CDH6: variants seen among roughly 807,000 people sequenced by gnomAD.
CDH6 encodes cadherin 6.
A neutral mutation model predicts 78.0 loss-of-function variants in CDH6; 31 were observed. The observed-to-expected ratio is 0.40, with a 90% confidence interval of 0.30 to 0.54. CDH6 has a LOEUF of 0.54. Ranked by LOEUF, CDH6 falls within the 20% of genes least tolerant of loss-of-function variation. The pLI is 0.56. For synonymous variants in CDH6, 376 were observed against 368.8 expected (o/e 1.02, Z -0.23); for missense variants, 724 against 975.9 (o/e 0.74, Z 3.44).
intron 2 of CDH6, 133 bp from the exon 3 acceptor site, chr5:31,293,828 AG>A: frequency 2.4e-5 from 13 of 532,744 alleles, no homozygotes; most frequent in South Asian, 6.7e-5. Context: ...TTACGTAAAT[AG>A]TAAAAAAAAA....
At chr5:31,230,079 T>G (rs867999428) in intron 1 of CDH6, among the ~76,000 whole-genome samples, 1 of 152,226 alleles carries the variant, frequency 6.6e-6, no homozygotes, top group Middle Eastern at 3.2e-3. Context: ...ATTCCGCTCC[T>G]TGCAGAATAT....
Position 31,216,384 on chromosome 5 carries a change from A to G in CDH6, c.-129+22498A>G, listed in dbSNP as rs577826558. On this transcript the variant is annotated intron_variant, in intron 1 of 11. Transcript: ENST00000265071. Reference sequence around the variant, plus strand: ...CTGAAAATGGTTTGTCCATTTTTAAATAGTTAAAAAGAATCAACAGAAAAA... The same window carrying G: ...CTGAAAATGGTTTGTCCATTTTTAAGTAGTTAAAAAGAATCAACAGAAAAA... 3.9e-5 allele frequency among the ~76,000 whole-genome samples: 6 copies of G among 152,258 alleles called. No homozygotes were observed. The South Asian group carries it at 1.2e-3, about 32-fold the overall frequency.
intron 1 of CDH6, among the ~76,000 whole-genome samples, chr5:31,219,040 A>G (rs2111827081): frequency 6.6e-6 from 1 of 152,288 alleles, no homozygotes; most frequent in Non-Finnish European, 1.5e-5. Context: ...GCATTTTTAA[A>G]TTGGTGGATT....
At chr5:31,220,943 C>G (rs1740988493) in intron 1 of CDH6, among the ~76,000 whole-genome samples, 1 of 152,146 alleles carries the variant, frequency 6.6e-6, no homozygotes, top group Non-Finnish European at 1.5e-5. Context: ...TCCTGAACAT[C>G]TGGATTTATT....
intron 7 of CDH6, 80 bp from the exon 8 acceptor site, chr5:31,313,238 C>T: frequency 1.6e-6 from 2 of 1,288,786 alleles, no homozygotes; most frequent in South Asian, 1.4e-5. Context: ...TGATGTGTAC[C>T]AGATGTTTTA....
rs755208817 is a variant in CDH6, at chr5:31,328,944, G to A, written c.*5636G>A. 1.6e-4 allele frequency: 35 copies of A among 221,250 alleles called. No individual in the cohort carries two copies. The highest frequency in any genetic ancestry group is 2.5e-4 in the Non-Finnish European group (28 of 110,678). The allele number at this position is 221,250 out of a possible 1,614,324, so 13.7% of individuals were successfully genotyped here. ...TATTACCTTTTAGCTCAGTGTGGCC[G>A]GGCCTTTTGTTGCAGTCAAATGGCA... On this transcript the variant is annotated 3_prime_UTR_variant, in exon 12 of 12. Coordinates refer to ENST00000265071, the MANE Select transcript of CDH6 (RefSeq NM_004932.4).
At chr5:31,203,534 G>A (rs1740430005) in intron 1 of CDH6, among the ~76,000 whole-genome samples, 1 of 144,618 alleles carries the variant, frequency 6.9e-6, no homozygotes, top group Non-Finnish European at 1.5e-5. Flanking sequence ...TACTGAGAAT[G>A]ATGATTTCCA....
rs188441759 is a variant in CDH6, at chr5:31,326,990, G to A, written c.*3682G>A. On this transcript the variant is annotated 3_prime_UTR_variant, in exon 12 of 12. Coordinates refer to ENST00000265071, the MANE Select transcript of CDH6 (RefSeq NM_004932.4). The stretch of plus-strand genomic sequence containing the variant: ...ATTACAGGCGTGAGCCACCGCGCCC[G>A]GCCTTAAAAATTGAATCTGTAGCTT... 1.9e-3 allele frequency: 329 copies of A among 172,238 alleles called. 1 individual carries two copies. The highest frequency in any genetic ancestry group is 7.3e-3 in the African/African-American group (310 of 42,206). 10.7% of individuals were successfully genotyped at this position (172,238 alleles called of 1,614,324 possible).
intron 1 of CDH6, 114 bp from the exon 2 acceptor site, chr5:31,267,231 CT>C (rs1180578305): frequency 1.4e-5 from 7 of 485,208 alleles, no homozygotes; most frequent in East Asian, 1.3e-4. Context: ...TGATAGCCAA[CT>C]TTTTTTGTTG....
chr5:31,250,421 C>A (rs1741877564), intron 1 of CDH6: 1 of 152,324 alleles, frequency 6.6e-6, no homozygotes, highest in Non-Finnish European at 1.5e-5. Flanking sequence ...GCTCCACCCA[C>A]CAGGCTGTGC....
intron 1 of CDH6, among the ~76,000 whole-genome samples, chr5:31,206,268 A>G (rs1385916423): frequency 6.6e-6 from 1 of 152,190 alleles, no homozygotes; most frequent in African/African-American, 2.4e-5. Flanking sequence ...AGTCAAAGGT[A>G]TGGGTATTTT....
Position 31,317,869 on chromosome 5 carries a change from G to A in CDH6, c.1827G>A (p.Thr609=), listed in dbSNP as rs145080455. Residue 609 remains threonine, a synonymous_variant, in exon 11 of 12, where the codon ACG becomes ACA. Coordinates refer to ENST00000265071, the MANE Select transcript of CDH6 (RefSeq NM_004932.4). The part of the protein sequence containing the change: ...SCHAEALIHP[T]GLSTGALVAI... ...ATGCGGAGGCGCTCATCCACCCCACGGGACTGAGCACGGGGGCTCTGGTTG... is the reference window on the plus strand; with the variant it reads ...ATGCGGAGGCGCTCATCCACCCCACAGGACTGAGCACGGGGGCTCTGGTTG... The A allele has an allele frequency of 1.9e-6, 3 of 1,614,018 alleles. No individual in the cohort carries two copies. Among genetic ancestry groups the A allele is most frequent in the East Asian group, 2.2e-5 (1 of 44,872 alleles).
chr5:31,241,023 C>G (rs1339192696), intron 1 of CDH6, among the ~76,000 whole-genome samples: 4 of 152,246 alleles, frequency 2.6e-5, no homozygotes, highest in African/African-American at 7.2e-5. Context: ...CTCAGCCAGG[C>G]TGCAGCCCCA....
At position 31,234,082 on chromosome 5, in the gene CDH6, G is replaced by A. The variant is rs143411145; in HGVS notation, c.-128-33264G>A. Among the ~76,000 whole-genome samples, 266 of 152,216 alleles carry A rather than the reference G, an allele frequency of 1.7e-3. 1 individual carries two copies. Among genetic ancestry groups the A allele is most frequent in the African/African-American group, 5.9e-3 (243 of 41,526 alleles). The stretch of plus-strand genomic sequence containing the variant: ...TTCATAATGTTTTTCTGTTTAAAGT[G>A]TGTTCTTAATACTTTGACTAAGTAT... On this transcript the variant is annotated intron_variant, in intron 1 of 11. Coordinates refer to ENST00000265071, the MANE Select transcript of CDH6 (RefSeq NM_004932.4).
At chr5:31,312,550 G>A (rs1738188296) in intron 7 of CDH6, among the ~76,000 whole-genome samples, 1 of 152,142 alleles carries the variant, frequency 6.6e-6, no homozygotes, top group Non-Finnish European at 1.5e-5. Context: ...AATTAGCAGG[G>A]CATGGTGACA....
chr5:31,309,263 A>G (rs574268548), intron 7 of CDH6, among the ~76,000 whole-genome samples: 4 of 152,134 alleles, frequency 2.6e-5, no homozygotes, highest in Non-Finnish European at 5.9e-5. Flanking sequence ...TTGAATATCT[A>G]TTTCATTTAG....
intron 2 of CDH6, among the ~76,000 whole-genome samples, chr5:31,286,894 G>C (rs1473953173): frequency 6.6e-6 from 1 of 152,148 alleles, no homozygotes; most frequent in Non-Finnish European, 1.5e-5. Context: ...ATAAGAGGTA[G>C]AATTGACTAG....
intron 1 of CDH6, among the ~76,000 whole-genome samples, chr5:31,207,290 G>A (rs1412603192): frequency 6.6e-6 from 1 of 152,066 alleles, no homozygotes; most frequent in Non-Finnish European, 1.5e-5. Flanking sequence ...AATCTATTGG[G>A]ATCTTCCATT....
chr5:31,228,769 G>A (rs1199660638), intron 1 of CDH6, among the ~76,000 whole-genome samples: 2 of 152,188 alleles, frequency 1.3e-5, no homozygotes, highest in African/African-American at 4.8e-5. Context: ...AGGAGGCGGA[G>A]CTCAGGCTAC....
Sources: allele counts gnomAD v4.1 joint callset (sites outside exome capture counted in the v4.1 genomes callset), GRCh38; gene constraint gnomAD v4.1.1; transcripts MANE v1.5; gene names NCBI Gene and HGNC (gene_info 2026-07-23, HGNC 2026-07-21).